Variants in CHST8 observed in about 807,000 individuals in gnomAD.
CHST8 encodes carbohydrate sulfotransferase 8.
CHST8 carries 10 observed loss-of-function variants against 15.0 expected under a neutral mutation model. That is an observed-to-expected ratio of 0.67 (90% confidence interval 0.41 to 1.13). The LOEUF is 1.13. Ranked by LOEUF, CHST8 falls within the 50% of genes most tolerant of loss-of-function variation. CHST8 has a pLI of 0.00. For synonymous variants in CHST8, 259 were observed against 256.6 expected, an observed-to-expected ratio of 1.01 and a Z score of -0.09; for missense variants, 634 against 608.2, an observed-to-expected ratio of 1.04 and a Z score of -0.45.
At chr19:33,759,649 A>G (rs1367114207) in intron 3 of CHST8, among the ~76,000 whole-genome samples, 1 of 151,962 alleles carries the variant, frequency 6.6e-6, no homozygotes, top group African/African-American at 2.4e-5. Context: ...CTCTCCTCCA[A>G]CTGCCCTCTG....
intron 1 of CHST8, among the ~76,000 whole-genome samples, chr19:33,639,894 C>T (rs1225642465): frequency 6.7e-6 from 1 of 149,190 alleles, no homozygotes; most frequent in Non-Finnish European, 1.5e-5. Context: ...GGCTGGAGTG[C>T]AGTGGCGCGA....
chr19:33,768,643 C>A (rs1039397998), intron 3 of CHST8, among the ~76,000 whole-genome samples: 1 of 151,808 alleles, frequency 6.6e-6, no homozygotes, highest in East Asian at 1.9e-4. Context: ...TAGTAGAGAT[C>A]GGGTTTCACT....
In CHST8 at chr19:33,772,586, C is replaced by T. The variant is rs201170575; in HGVS notation, c.798C>T (p.Ser266=). ...FVREPFERLV[S]AFRDKFEHPN... ...GCGAGCCCTTCGAGAGGCTGGTGTC[C>T]GCCTTCCGCGACAAGTTTGAGCACC... Residue 266 remains serine (S), a synonymous_variant, in exon 5 of 5, where the codon TCC becomes TCT. Coordinates refer to ENST00000650847, the MANE Select transcript of CHST8 (RefSeq NM_001127895.2). 3 of 1,613,976 alleles carry T rather than the reference C, an allele frequency of 1.9e-6. No homozygotes were observed. The highest frequency in any genetic ancestry group is 2.2e-5 in the East Asian group (1 of 44,862).
chr19:33,695,821 CTTTTTTTTTTTT>C (rs55695414), intron 3 of CHST8, among the ~76,000 whole-genome samples: 1,051 of 76,290 alleles, frequency 0.014, 27 homozygotes, highest in African/African-American at 0.062. Context: ...TTCTTTCTTT[CTTTTTTTTTTTT>C]TTTTTTTTTG....
Position 33,654,118 on chromosome 19 carries a change from G to C in CHST8, c.-163-13649G>C, listed in dbSNP as rs573366672. ...ACCTTGTCTCCTAGTTTACTAATCT[G>C]TTCTGAAATCCTAGCAATGAGTTTT... On this transcript the variant is annotated intron_variant, in intron 1 of 4. Transcript: ENST00000650847. 5.3e-5 allele frequency among the ~76,000 whole-genome samples: 8 copies of C among 152,242 alleles called. No homozygotes were observed. In the South Asian group the frequency reaches 1.2e-3, roughly 24 times the overall value.
intron 3 of CHST8, among the ~76,000 whole-genome samples, chr19:33,766,810 C>T (rs150686335): frequency 2.0e-5 from 3 of 152,312 alleles, no homozygotes; most frequent in Admixed American, 6.5e-5. Context: ...TGGAAGTGGA[C>T]GTGGAGTGGA....
chr19:33,769,784 G>T (rs1269654606), intron 3 of CHST8, among the ~76,000 whole-genome samples: 1 of 152,078 alleles, frequency 6.6e-6, no homozygotes, highest in East Asian at 1.9e-4. Context: ...AGTCTAGAAG[G>T]CCTGTTTCAA....
In CHST8 at chr19:33,723,502, C is replaced by G. The variant is rs1973839357; in HGVS notation, c.130+34111C>G. On this transcript the variant is annotated intron_variant, in intron 3 of 4. Coordinates refer to ENST00000650847, the MANE Select transcript of CHST8 (RefSeq NM_001127895.2). ...ACAGGATTCCCAGCAGGCTGTCCTT[C>G]CCTGAGCCATTTCACTGCCACTCCC... 2.0e-5 allele frequency among the ~76,000 whole-genome samples: 3 copies of G among 152,218 alleles called. 1 individual carries two copies. In the South Asian group the frequency reaches 6.2e-4, roughly 32 times the overall value.
chr19:33,712,182 G>A (rs533921892), intron 3 of CHST8, among the ~76,000 whole-genome samples: 1 of 152,192 alleles, frequency 6.6e-6, no homozygotes, highest in African/African-American at 2.4e-5. Context: ...CCTCCCAGTA[G>A]AGCCCACTCC....
At chr19:33,770,918 G>T (rs1191923716) in intron 3 of CHST8, among the ~76,000 whole-genome samples, 1 of 152,198 alleles carries the variant, frequency 6.6e-6, no homozygotes, top group Non-Finnish European at 1.5e-5. Flanking sequence ...CCTGGTGTGT[G>T]CAAAGGTGTG....
chr19:33,661,926 C>T (rs1972591755), intron 1 of CHST8, among the ~76,000 whole-genome samples: 1 of 150,700 alleles, frequency 6.6e-6, no homozygotes, highest in South Asian at 2.1e-4. Flanking sequence ...GTCCTAGTTA[C>T]TCAGGAGACT....
intron 1 of CHST8, among the ~76,000 whole-genome samples, chr19:33,652,372 C>CTTTTTTTTTTTTT (rs971053736): frequency 9.9e-6 from 1 of 100,614 alleles, no homozygotes; most frequent in African/African-American, 3.8e-5. Flanking sequence ...TTTTCTCTCT[C>CTTTTTTTTTTTTT]TTTTTTTTTT....
chr19:33,641,355 G>A (rs115830559), intron 1 of CHST8, among the ~76,000 whole-genome samples: 3,286 of 152,256 alleles, frequency 0.022, 130 homozygotes, highest in African/African-American at 0.075. Flanking sequence ...CTTGAGGTCA[G>A]GACTGGGGGT....
At chr19:33,745,176 C>A (rs4805934) in intron 3 of CHST8, among the ~76,000 whole-genome samples, 3,207 of 152,308 alleles carry the variant, frequency 0.021, 55 homozygotes, top group Non-Finnish European at 0.027. Flanking sequence ...AGCCACAGTG[C>A]CTGGCCTCTG....
intron 3 of CHST8, among the ~76,000 whole-genome samples, chr19:33,721,908 G>T (rs994925015): frequency 4.0e-5 from 6 of 151,040 alleles, no homozygotes; most frequent in African/African-American, 1.5e-4. Flanking sequence ...TGGATGGATG[G>T]ATGGATGGAC....
chr19:33,746,090 C>T (rs922804356), intron 3 of CHST8, among the ~76,000 whole-genome samples: 6 of 152,204 alleles, frequency 3.9e-5, no homozygotes, highest in African/African-American at 1.2e-4. Context: ...TTTATAAAAG[C>T]CTTTTCCTTC....
chr19:33,730,385 T>C (rs1304183023), intron 3 of CHST8, among the ~76,000 whole-genome samples: 2 of 152,198 alleles, frequency 1.3e-5, no homozygotes, highest in East Asian at 3.8e-4. Context: ...AGGTTAATCA[T>C]AGAAGCTGTC....
At chr19:33,762,855 G>A (rs1238332315) in intron 3 of CHST8, among the ~76,000 whole-genome samples, 1 of 142,084 alleles carries the variant, frequency 7.0e-6, no homozygotes, top group East Asian at 2.0e-4. Flanking sequence ...TGTGCGCTCA[G>A]TTTTCTCTCT....
chr19:33,757,524 GAAAGAAAGAAAGAAAGAA>G (rs1568358803), intron 3 of CHST8, among the ~76,000 whole-genome samples: 307 of 19,256 alleles, frequency 0.016, 36 homozygotes, highest in Non-Finnish European at 0.025. Context: ...GAAAGAAAGA[GAAAGAAAGAAAGAAAGAA>G]AGAAAGAAAG....
Sources: gnomAD v4.1 joint callset for allele counts (sites outside exome capture counted in the v4.1 genomes callset) on GRCh38, gnomAD v4.1.1 for gene constraint, MANE v1.5 for transcripts, NCBI Gene and HGNC (gene_info 2026-07-23, HGNC 2026-07-21) for gene names.